WDR86: variants seen among roughly 807,000 people sequenced by gnomAD.
WDR86 encodes WD repeat domain 86.
A neutral mutation model predicts 36.5 loss-of-function variants in WDR86; 30 were observed. The ratio of observed to expected loss-of-function variants is 0.82; its 90% CI spans 0.61 to 1.11. WDR86 has a LOEUF of 1.11. Among genes scored for constraint, WDR86 ranks in the 50% most tolerant of loss-of-function variants. The pLI is 0.00. For synonymous variants in WDR86, 255 were observed against 252.9 expected (o/e 1.01, Z -0.08); for missense variants, 545 against 561.2 (o/e 0.97, Z 0.29).
In WDR86 at chr7:151,381,660, G is replaced by C. The variant is rs1345142773; in HGVS notation, c.1053C>G (p.Pro351=). 4 of 1,405,396 alleles carry C rather than the reference G, an allele frequency of 2.8e-6. No homozygotes were observed. Among genetic ancestry groups the C allele is most frequent in the Non-Finnish European group, 3.7e-6 (4 of 1,091,366 alleles). The allele number at this position is 1,405,396 out of a possible 1,614,324, so 87.1% of individuals were successfully genotyped here. The change falls in exon 6 of 6, where the codon CCC becomes CCG. Residue 351 remains proline, a synonymous_variant. Coordinates refer to ENST00000334493, the MANE Select transcript of WDR86 (RefSeq NM_198285.3). The surrounding 1 kb of genome is among the most constrained non-coding windows in gnomAD (Gnocchi z 4.8). ...DVRGLRGAPR[P]PPPMRSLSRL... is the part of the protein sequence containing the mutation. ...GCGAGAGGCTGCGCATGGGCGGAGG[G>C]GGCCGCGGGGCACCTCGGAGCCCGC...
At position 151,393,508 on chromosome 7, in the gene WDR86, C is replaced by G. The variant is rs866270580; in HGVS notation, c.726+2268G>C. Among the ~76,000 whole-genome samples the G allele has an allele frequency of 8.5e-5, 13 of 152,294 alleles. No homozygotes were observed. In the South Asian group the frequency reaches 1.7e-3, roughly 19 times the overall value. On this transcript the variant is annotated intron_variant, in intron 3 of 5. Transcript: ENST00000334493. ...GGAGGGCAGTGCTGCTTTTCTCCCC[C>G]CTCCGTCCAGCACCAGCCTCCACCT...
intron 4 of WDR86, 57 bp from the exon 5 acceptor site, chr7:151,382,038 G>A (rs1798631378): frequency 3.3e-6 from 5 of 1,498,230 alleles, no homozygotes; most frequent in African/African-American, 1.4e-5. Flanking sequence ...CCGCAAGCAG[G>A]GATGGGGCGG....
chr7:151,402,869 G>A (rs1025929153), intron 1 of WDR86, among the ~76,000 whole-genome samples: 2 of 152,198 alleles, frequency 1.3e-5, no homozygotes, highest in Non-Finnish European at 2.9e-5. Context: ...GGGGCCCTCA[G>A]GGTCTCTGAT....
rs1052184156 is a variant in WDR86 at position 151,405,361 on chromosome 7, T to C, written c.163+4066A>G. ...GAAGCCCTCTCAGCTGTTTCCAGGATGCAGTGGCTGCGTCCCCGACTCAGG... is the reference window on the plus strand; with the variant it reads ...GAAGCCCTCTCAGCTGTTTCCAGGACGCAGTGGCTGCGTCCCCGACTCAGG... On this transcript the variant is annotated intron_variant, in intron 1 of 5. Coordinates refer to ENST00000334493, the MANE Select transcript of WDR86 (RefSeq NM_198285.3). This position sits in a 1 kb window ranked among gnomAD's most constrained non-coding sequence, Gnocchi z 4.7. Among the ~76,000 whole-genome samples, 2 of 152,148 alleles carry C rather than the reference T, an allele frequency of 1.3e-5. No individual in the cohort carries two copies. The highest frequency in any genetic ancestry group is 4.8e-5 in the African/African-American group (2 of 41,448).
At chr7:151,385,413 C>A in intron 3 of WDR86, 190 bp from the exon 4 acceptor site, 1 of 995,664 alleles carries the variant, frequency 1.0e-6, no homozygotes, top group Non-Finnish European at 1.4e-6. Context: ...CTGCTCCTGC[C>A]CCATGGGGCA....
chr7:151,373,666 T>C (rs1374771174), downstream of WDR86, among the ~76,000 whole-genome samples: 1 of 152,242 alleles, frequency 6.6e-6, no homozygotes, highest in East Asian at 1.9e-4. Flanking sequence ...CTTGAATCCC[T>C]GGGCGATTCA....
At position 151,395,997 on chromosome 7, in the gene WDR86, CG is replaced by C. The variant is rs775102611; in HGVS notation, c.504del (p.Gly169AlafsTer31). 6.2e-7 allele frequency: 1 copy of C among 1,600,128 alleles called. No individual in the cohort carries two copies. Among genetic ancestry groups the C allele is most frequent in the Middle Eastern group, 1.7e-4 (1 of 6,020 alleles). ...ACCTTGGCTGTGCCATCTGTGCTGCCGGTCACCAGAAGCCCCCCGGCCGCGG... is the reference window on the plus strand; with the variant it reads ...ACCTTGGCTGTGCCATCTGTGCTGCCGTCACCAGAAGCCCCCCGGCCGCGG... ...EEAAAGGLLV[T>X]GSTDGTAKVW... On this transcript the variant is annotated frameshift_variant, in exon 3 of 6. Transcript: ENST00000334493. LOFTEE classifies it high-confidence loss of function.
chr7:151,381,138 C>T lies in WDR86; in HGVS notation c.*444G>A, dbSNP rs1798529222. 8.1e-7 allele frequency: 1 copy of T among 1,233,686 alleles called. No homozygotes were observed. The highest frequency in any genetic ancestry group is 1.0e-6 in the Non-Finnish European group (1 of 989,120). 76.4% of individuals were successfully genotyped at this position (1,233,686 alleles called of 1,614,324 possible). On this transcript the variant is annotated 3_prime_UTR_variant, in exon 6 of 6. Transcript: ENST00000334493. This position sits in a 1 kb window ranked among gnomAD's most constrained non-coding sequence, Gnocchi z 4.8. ...CACAGGAGCACTTTTAACGTTCAGG[C>T]TGTATATTTCAGTTCCCCCCAAGGC...
At chr7:151,408,358 A>C (rs1477217888) in intron 1 of WDR86, among the ~76,000 whole-genome samples, 1 of 151,812 alleles carries the variant, frequency 6.6e-6, no homozygotes, top group Non-Finnish European at 1.5e-5. Flanking sequence ...CACCACGCCC[A>C]GCTAATTTTT....
At position 151,385,416 on chromosome 7, in the gene WDR86, A is replaced by G. The variant is rs892326252; in HGVS notation, c.727-193T>C. 16 of 966,382 alleles carry G rather than the reference A, an allele frequency of 1.7e-5. No homozygotes were observed. In the Admixed American group the frequency reaches 3.4e-4, roughly 21 times the overall value. 59.9% of individuals were successfully genotyped at this position (966,382 alleles called of 1,614,324 possible). ...AAAAGCAGGCGGCTGCTCCTGCCCC[A>G]TGGGGCAGCCAGTGCTCCAACAGGG... On this transcript the variant is annotated intron_variant, in intron 3 of 5. Transcript: ENST00000334493.
At chr7:151,391,402 C>A (rs1799431417) in intron 3 of WDR86, among the ~76,000 whole-genome samples, 1 of 152,236 alleles carries the variant, frequency 6.6e-6, no homozygotes, top group African/African-American at 2.4e-5. Context: ...AGCCTTCTAA[C>A]CCCTGCAAAA....
At chr7:151,380,361 T>C (rs905095268), downstream of WDR86, among the ~76,000 whole-genome samples, 2 of 152,212 alleles carry the variant, frequency 1.3e-5, no homozygotes, top group Non-Finnish European at 2.9e-5. Context: ...TGAAGTATCT[T>C]CTGCATTAAG....
chr7:151,385,700 C>G (rs73474443), intron 3 of WDR86, among the ~76,000 whole-genome samples: 1 of 152,216 alleles, frequency 6.6e-6, no homozygotes, highest in East Asian at 1.9e-4. Context: ...AGCTGACAGC[C>G]GGGGACTGTC....
rs995405365 is a variant in WDR86, at chr7:151,401,070, C to T, written c.164-829G>A. Among the ~76,000 whole-genome samples, 1 of 152,230 alleles carries T rather than the reference C, an allele frequency of 6.6e-6. No individual in the cohort carries two copies. Among genetic ancestry groups the T allele is most frequent in the Non-Finnish European group, 1.5e-5 (1 of 68,040 alleles). ...CCCAGAACATGCTTCCCAGCAACCC[C>T]CTTGCCCACCTGCTCATGAATAATC... is the stretch of plus-strand genomic sequence containing the variant. On this transcript the variant is annotated intron_variant, in intron 1 of 5. Transcript: ENST00000334493. The surrounding 1 kb of genome is among the most constrained non-coding windows in gnomAD (Gnocchi z 4.3).
chr7:151,408,167 CCTAA>C (rs749923909), intron 1 of WDR86, among the ~76,000 whole-genome samples: 2 of 151,406 alleles, frequency 1.3e-5, no homozygotes, highest in Admixed American at 1.3e-4. Context: ...AAATATCTGC[CCTAA>C]CTATGTAATA....
chr7:151,385,810 A>G (rs921465043), intron 3 of WDR86, among the ~76,000 whole-genome samples: 5 of 152,162 alleles, frequency 3.3e-5, no homozygotes, highest in African/African-American at 1.2e-4. Flanking sequence ...CGCAGGAGGT[A>G]CGGAGAGGGC....
chr7:151,407,745 G>A (rs1800822896), intron 1 of WDR86, among the ~76,000 whole-genome samples: 1 of 152,172 alleles, frequency 6.6e-6, no homozygotes, highest in South Asian at 2.1e-4. Flanking sequence ...GGAGGCCAAG[G>A]CAGGAGAATC....
Position 151,396,235 on chromosome 7 carries a change from C to T in WDR86, c.306-39G>A, listed in dbSNP as rs771516039. On this transcript the variant is annotated intron_variant, in intron 2 of 5. Transcript: ENST00000334493. ...GGAAGGGGTCAGGGATCAGAAGGCA[C>T]GGGTTCCAGAATCCACACAGCCTCC... 50 of 1,609,950 alleles carry T rather than the reference C, an allele frequency of 3.1e-5. 1 individual carries two copies. The highest frequency in any genetic ancestry group is 3.3e-4 in the Middle Eastern group (2 of 6,070).
intron 1 of WDR86, among the ~76,000 whole-genome samples, chr7:151,408,199 CTTTTT>C (rs1029293163): frequency 8.6e-6 from 1 of 116,076 alleles, no homozygotes; most frequent in African/African-American, 3.5e-5. Context: ...CTTTTCTTTT[CTTTTT>C]TTTTTTTTTT....
Sources: gnomAD v4.1 joint callset for allele counts (sites outside exome capture counted in the v4.1 genomes callset) on GRCh38, gnomAD v4.1.1 for gene constraint, Gnocchi (gnomAD v3.1) non-coding constraint, MANE v1.5 for transcripts, NCBI Gene and HGNC (gene_info 2026-07-23, HGNC 2026-07-21) for gene names.